The following NAALADL2 variants were observed in gnomAD, a reference collection of about 807,000 sequenced individuals.
NAALADL2 encodes N-acetylated alpha-linked acidic dipeptidase like 2, also known as inactive N-acetylated-alpha-linked acidic dipeptidase-like protein 2.
NAALADL2 carries 76 observed loss-of-function variants against 87.2 expected under a neutral mutation model. The ratio of observed to expected loss-of-function variants is 0.87; its 90% CI spans 0.72 to 1.05. The LOEUF (loss-of-function observed/expected upper bound fraction) is 1.05. Among genes scored for constraint, NAALADL2 ranks in the 50% least tolerant of loss-of-function variants. The probability of loss-of-function intolerance (pLI) is 0.00; values close to 1 mark genes in which losing one functional copy is unlikely to be tolerated. For synonymous variants in NAALADL2, 354 were observed against 331.0 expected (o/e 1.07, Z -0.75); for missense variants, 1,089 against 945.8 (o/e 1.15, Z -1.99).
At chr3:175,464,954 T>A (rs1356149123) in intron 7 of NAALADL2, among the ~76,000 whole-genome samples, 1 of 152,240 alleles carries the variant, frequency 6.6e-6, no homozygotes, top group African/African-American at 2.4e-5. Flanking sequence ...GTACAAATTA[T>A]ACTAGCTTTA....
intron 4 of NAALADL2, among the ~76,000 whole-genome samples, chr3:175,282,759 T>C (rs1754470109): frequency 6.6e-6 from 1 of 152,080 alleles, no homozygotes; most frequent in Admixed American, 6.6e-5. Context: ...CAGGGATCAT[T>C]ATGCAGTTCT....
chr3:174,803,147 C>T (rs893147134), intron 3 of NAALADL2, among the ~76,000 whole-genome samples: 22 of 152,204 alleles, frequency 1.4e-4, no homozygotes, highest in Admixed American at 1.3e-4. Flanking sequence ...TCTGTTGTTT[C>T]CTGACTTTTT....
At chr3:175,329,484 TC>T (rs1254076421) in intron 5 of NAALADL2, among the ~76,000 whole-genome samples, 1 of 152,186 alleles carries the variant, frequency 6.6e-6, no homozygotes, top group Non-Finnish European at 1.5e-5. Flanking sequence ...TGGACAAATA[TC>T]GAAAGACTGA....
chr3:174,860,914 C>CAT (rs1726409382), intron 1 of NAALADL2, among the ~76,000 whole-genome samples: 1 of 151,882 alleles, frequency 6.6e-6, no homozygotes, highest in Admixed American at 6.6e-5. Flanking sequence ...TTCCCCTATC[C>CAT]ATATATATGT....
intron 3 of NAALADL2, among the ~76,000 whole-genome samples, chr3:174,777,032 CTTTAAT>C (rs1389155471): frequency 2.0e-5 from 3 of 152,042 alleles, no homozygotes; most frequent in Non-Finnish European, 4.4e-5. Context: ...GCTTTATAGA[CTTTAAT>C]TTTAATCACA....
At chr3:174,771,566 C>T (rs767323027) in intron 3 of NAALADL2, among the ~76,000 whole-genome samples, 3 of 152,054 alleles carry the variant, frequency 2.0e-5, no homozygotes, top group Non-Finnish European at 1.5e-5. Flanking sequence ...AAAGGAATGG[C>T]GAAACATGCA....
chr3:175,732,875 G>T (rs569759783), intron 11 of NAALADL2, among the ~76,000 whole-genome samples: 33 of 151,750 alleles, frequency 2.2e-4, no homozygotes, highest in Admixed American at 5.3e-4. Context: ...GTACATGGGA[G>T]GGGAACAACA....
chr3:175,513,565 A>T (rs899648009), intron 9 of NAALADL2, among the ~76,000 whole-genome samples: 2 of 152,232 alleles, frequency 1.3e-5, no homozygotes, highest in African/African-American at 4.8e-5. Flanking sequence ...TAGCCAAGGT[A>T]GGGAAAAAGT....
chr3:174,628,751 C>G (rs1288071092), intron 2 of NAALADL2, among the ~76,000 whole-genome samples: 1 of 152,134 alleles, frequency 6.6e-6, no homozygotes, highest in Non-Finnish European at 1.5e-5. Flanking sequence ...TTATATACAA[C>G]TGTTAATACT....
intron 1 of NAALADL2, among the ~76,000 whole-genome samples, chr3:175,033,712 C>G (rs1753055032): frequency 6.6e-6 from 1 of 152,120 alleles, no homozygotes; most frequent in South Asian, 2.1e-4. Flanking sequence ...TTTCTAACCC[C>G]TAAACACTGG....
chr3:175,718,898 A>G (rs942056856), intron 11 of NAALADL2, among the ~76,000 whole-genome samples: 1 of 152,074 alleles, frequency 6.6e-6, no homozygotes, highest in Non-Finnish European at 1.5e-5. Flanking sequence ...ACCACCAACA[A>G]CAACAAAAAA....
intron 4 of NAALADL2, among the ~76,000 whole-genome samples, chr3:175,302,530 T>G (rs1203562016): frequency 1.3e-5 from 2 of 152,166 alleles, no homozygotes; most frequent in Non-Finnish European, 2.9e-5. Context: ...TTCATTCATC[T>G]CCACATATAG....
At chr3:174,609,787 C>T (rs1719602421) in intron 2 of NAALADL2, among the ~76,000 whole-genome samples, 1 of 152,120 alleles carries the variant, frequency 6.6e-6, no homozygotes, top group Admixed American at 6.5e-5. Flanking sequence ...CTACCAATGA[C>T]TTTCTTCACA....
chr3:174,564,056 T>C (rs1713946285), intron 2 of NAALADL2, among the ~76,000 whole-genome samples: 1 of 152,150 alleles, frequency 6.6e-6, no homozygotes, highest in African/African-American at 2.4e-5. Context: ...AAGGCAAAGA[T>C]GTTCTACCTA....
chr3:174,863,854 A>C (rs949645524), intron 1 of NAALADL2: 19 of 305,030 alleles, frequency 6.2e-5, no homozygotes, highest in Non-Finnish European at 8.3e-5. Flanking sequence ...CAGAAGTGCA[A>C]GGAGCTCCTG....
intron 1 of NAALADL2, among the ~76,000 whole-genome samples, chr3:174,493,288 A>G (rs551115526): frequency 1.3e-5 from 2 of 152,298 alleles, no homozygotes; most frequent in Middle Eastern, 3.4e-3. Context: ...ATCTAATATG[A>G]CTGGTGTTCT....
chr3:175,006,727 T>C (rs1210142487), intron 1 of NAALADL2, among the ~76,000 whole-genome samples: 1 of 152,082 alleles, frequency 6.6e-6, no homozygotes, highest in Non-Finnish European at 1.5e-5. Flanking sequence ...GTTGAACAGA[T>C]ATTTTCACTG....
At chr3:174,980,764 G>A (rs1459115938) in intron 1 of NAALADL2, among the ~76,000 whole-genome samples, 1 of 151,912 alleles carries the variant, frequency 6.6e-6, no homozygotes, top group Non-Finnish European at 1.5e-5. Flanking sequence ...ATTTTTCTGT[G>A]TATTATACTT....
chr3:174,888,573 C>T (rs186192585), intron 1 of NAALADL2, among the ~76,000 whole-genome samples: 8 of 152,162 alleles, frequency 5.3e-5, no homozygotes, highest in African/African-American at 2.4e-5. Context: ...GCTTTGCTTA[C>T]GTTAGAACGT....
Sources: gnomAD v4.1 joint callset for allele counts (sites outside exome capture counted in the v4.1 genomes callset) on GRCh38, gnomAD v4.1.1 for gene constraint, MANE v1.5 for transcripts, NCBI Gene and HGNC (gene_info 2026-07-23, HGNC 2026-07-21) for gene names.